SMIM21: variants seen among roughly 807,000 people sequenced by gnomAD.
SMIM21 encodes chromosome 18 open reading frame 62.
In SMIM21, 8 loss-of-function variants were observed where a neutral mutation model predicts 8.6. The observed-to-expected ratio is 0.93, with a 90% CI of 0.55 to 1.68. The LOEUF (loss-of-function observed/expected upper bound fraction) is 1.68. SMIM21 is among the 40% of genes most tolerant of loss of function. The pLI is 0.00. For missense variants in SMIM21, 132 were observed against 123.0 expected (o/e 1.07, Z -0.35); for synonymous variants, 43 against 41.7 (o/e 1.03, Z -0.12).
At position 75,410,469 on chromosome 18, in the gene SMIM21, GC is replaced by G. The variant is rs1376744813; in HGVS notation, c.*394del. 4.4e-6 allele frequency: 1 copy of G among 228,928 alleles called. No homozygotes were observed. The highest frequency in any genetic ancestry group is 2.3e-5 in the African/African-American group (1 of 44,040). 14.2% of individuals were successfully genotyped at this position (228,928 alleles called of 1,614,324 possible). A position where few individuals can be genotyped will look rare whatever the true frequency, so the allele number is the denominator to read the frequency against. On this transcript the variant is annotated 3_prime_UTR_variant, in exon 3 of 3. Coordinates refer to ENST00000579022, the MANE Select transcript of SMIM21 (RefSeq NM_001037331.3). ...ACTGTGTTGCTGTATACCACACAGA[GC>G]CTTAGGTGGTCCCGAAATAAGTGAA...
intron 2 of SMIM21, chr18:75,417,202 G>A (rs1430886304): frequency 6.6e-6 from 1 of 152,184 alleles, no homozygotes; most frequent in Non-Finnish European, 1.5e-5. Flanking sequence ...CCAGCTTCCA[G>A]GGTGCATGGC....
chr18:75,425,272 A>G (rs1296533204), intron 1 of SMIM21, among the ~76,000 whole-genome samples: 1 of 152,180 alleles, frequency 6.6e-6, no homozygotes. Flanking sequence ...AACAGGAGAT[A>G]CTGAGTTTCC....
At chr18:75,427,061 G>A (rs1288160580) in intron 1 of SMIM21, among the ~76,000 whole-genome samples, 2 of 152,192 alleles carry the variant, frequency 1.3e-5, no homozygotes, top group Non-Finnish European at 2.9e-5. Flanking sequence ...GGTTGAGTTT[G>A]TAGGTGTTGC....
At chr18:75,423,034 G>T (rs1234298514) in intron 1 of SMIM21, among the ~76,000 whole-genome samples, 1 of 152,154 alleles carries the variant, frequency 6.6e-6, no homozygotes, top group Non-Finnish European at 1.5e-5. Flanking sequence ...TAAAAGACTT[G>T]AGTTCTCACT....
intron 1 of SMIM21, among the ~76,000 whole-genome samples, chr18:75,421,016 G>A (rs2024702737): frequency 6.6e-6 from 1 of 152,150 alleles, no homozygotes; most frequent in Non-Finnish European, 1.5e-5. Context: ...CTCCTAATTA[G>A]GATTTCATAA....
intron 1 of SMIM21, among the ~76,000 whole-genome samples, chr18:75,424,016 G>T (rs1034434178): frequency 6.7e-6 from 1 of 149,452 alleles, no homozygotes; most frequent in African/African-American, 2.4e-5. Flanking sequence ...TGAACTGTTC[G>T]TTGCAATGCA....
intron 2 of SMIM21, chr18:75,416,671 A>C (rs761444443): frequency 1.2e-4 from 19 of 152,278 alleles, no homozygotes; most frequent in Non-Finnish European, 2.6e-4. Flanking sequence ...AGGGATCTTC[A>C]TCTTACTTTT....
intron 1 of SMIM21, among the ~76,000 whole-genome samples, chr18:75,423,657 C>T (rs952263739): frequency 5.3e-5 from 8 of 152,230 alleles, no homozygotes; most frequent in Admixed American, 1.3e-4. Context: ...TCATGGTTCC[C>T]GTGCCCTTTT....
intron 1 of SMIM21, among the ~76,000 whole-genome samples, chr18:75,420,611 C>A (rs1019801517): frequency 2.0e-5 from 3 of 152,124 alleles, no homozygotes; most frequent in Non-Finnish European, 4.4e-5. Context: ...GAGTGGAAAC[C>A]TGGGTGCTTC....
intron 2 of SMIM21, chr18:75,418,073 A>G (rs1014354784): frequency 7.6e-6 from 3 of 396,780 alleles, no homozygotes; most frequent in African/African-American, 2.1e-5. Context: ...GCCCACTGGT[A>G]TCTGAAACTT....
Position 75,409,663 on chromosome 18 carries a change from G to GTT in SMIM21, c.*1200_*1201insAA, listed in dbSNP as rs930984757. Reference sequence around the variant, plus strand: ...GTTCCATCGGTGACAAGAACTCTGTGTGTGTGTGTGTGTGTGTATGTGTGT... The same window carrying GTT: ...GTTCCATCGGTGACAAGAACTCTGTGTTTGTGTGTGTGTGTGTGTATGTGTGT... On this transcript the variant is annotated 3_prime_UTR_variant, in exon 3 of 3. Coordinates refer to ENST00000579022, the MANE Select transcript of SMIM21 (RefSeq NM_001037331.3). The GTT allele has an allele frequency of 6.6e-6, 1 of 151,372 alleles. No homozygotes were observed. Among genetic ancestry groups the GTT allele is most frequent in the African/African-American group, 2.4e-5 (1 of 40,960 alleles). 9.4% of individuals were successfully genotyped at this position (151,372 alleles called of 1,614,324 possible).
At chr18:75,426,707 G>A (rs2024768453) in intron 1 of SMIM21, among the ~76,000 whole-genome samples, 1 of 150,302 alleles carries the variant, frequency 6.7e-6, no homozygotes, top group Admixed American at 6.6e-5. Flanking sequence ...AGCAGCAGTG[G>A]GGATCAAGAC....
In SMIM21 at chr18:75,409,595, G is replaced by A. The variant is rs548348028; in HGVS notation, c.*1269C>T. ...GGTTCACGTGTGATGCAGCGCAATG[G>A]GATCTGGACATGAATGTGGGAGATG... On this transcript the variant is annotated 3_prime_UTR_variant, in exon 3 of 3. Transcript: ENST00000579022. The A allele has an allele frequency of 1.3e-5, 2 of 152,324 alleles. No homozygotes were observed. Among genetic ancestry groups the A allele is most frequent in the East Asian group, 1.9e-4 (1 of 5,188 alleles). The allele number at this position is 152,324 out of a possible 1,614,324, so 9.4% of individuals were successfully genotyped here.
chr18:75,419,005 T>A, intron 1 of SMIM21, 89 bp from the exon 2 acceptor site: 1 of 721,594 alleles, frequency 1.4e-6, no homozygotes, highest in Non-Finnish European at 2.2e-6. Context: ...GTCAAACAAT[T>A]AATTTTGTTT....
At chr18:75,414,058 G>GTC (rs1210865317) in intron 2 of SMIM21, among the ~76,000 whole-genome samples, 3 of 148,760 alleles carry the variant, frequency 2.0e-5, no homozygotes, top group East Asian at 2.0e-4. Flanking sequence ...ATGCCTAGGA[G>GTC]TCTCTCTCTC....
Position 75,410,645 on chromosome 18 carries a change from A to C in SMIM21, c.*219T>G, listed in dbSNP as rs1416365566. On this transcript the variant is annotated 3_prime_UTR_variant, in exon 3 of 3. Transcript: ENST00000579022. ...GGTGGCATCTGCAGCTCTCCTCCGG[A>C]ATATTCCTGAACAGAAAAAGGAAGA... The C allele has an allele frequency of 2.5e-5, 32 of 1,305,236 alleles. No homozygotes were observed. The highest frequency in any genetic ancestry group is 2.0e-4 in the Admixed American group (6 of 30,686). 80.9% of individuals were successfully genotyped at this position (1,305,236 alleles called of 1,614,324 possible).
chr18:75,413,260 C>G (rs1297903091), intron 2 of SMIM21, among the ~76,000 whole-genome samples: 1 of 152,198 alleles, frequency 6.6e-6, no homozygotes, highest in Non-Finnish European at 1.5e-5. Context: ...GCCAGATGTT[C>G]AGCTGCCAAG....
In SMIM21 at chr18:75,419,044, C is replaced by T. The variant is rs117623311; in HGVS notation, c.130-128G>A. ...ATAAATAAGTTTATATATTTAAGGT[C>T]GTGTTTCAGAAGTAAAACCAGAACT... On this transcript the variant is annotated intron_variant, in intron 1 of 2. Transcript: ENST00000579022. 625 of 522,688 alleles carry T rather than the reference C, an allele frequency of 1.2e-3. 12 individuals carry two copies. In the East Asian group the frequency reaches 0.018, roughly 15 times the overall value. 32.4% of individuals were successfully genotyped at this position (522,688 alleles called of 1,614,324 possible). A position where few individuals can be genotyped will look rare whatever the true frequency, so the allele number is the denominator to read the frequency against.
At chr18:75,420,216 G>C (rs962873771) in intron 1 of SMIM21, among the ~76,000 whole-genome samples, 2 of 152,182 alleles carry the variant, frequency 1.3e-5, no homozygotes, top group African/African-American at 4.8e-5. Context: ...AGCTACTTGG[G>C]TTGTATCATG....
Sources: allele counts gnomAD v4.1 joint callset (sites outside exome capture counted in the v4.1 genomes callset), GRCh38; gene constraint gnomAD v4.1.1; transcripts MANE v1.5; gene names NCBI Gene and HGNC (gene_info 2026-07-23, HGNC 2026-07-21).